HMGN1: variants seen among roughly 807,000 people sequenced by gnomAD.
HMGN1 encodes the protein high mobility group nucleosome binding domain 1.
HMGN1 carries 9 observed loss-of-function variants against 18.4 expected under a neutral mutation model. The observed-to-expected ratio is 0.49, with a 90% CI of 0.29 to 0.85. The LOEUF (loss-of-function observed/expected upper bound fraction) is 0.85. Among genes scored for constraint, HMGN1 ranks in the 40% least tolerant of loss-of-function variants. HMGN1 has a pLI of 0.07. For synonymous variants in HMGN1, 59 were observed against 45.0 expected (o/e 1.31, Z -1.24); for missense variants, 151 against 119.2 (o/e 1.27, Z -1.24).
At chr21:39,343,659 G>A (rs1336811657) in intron 5 of HMGN1, among the ~76,000 whole-genome samples, 1 of 152,164 alleles carries the variant, frequency 6.6e-6, no homozygotes, top group African/African-American at 2.4e-5. Context: ...TAGTGAGTTC[G>A]ATGTGAATTT....
intron 4 of HMGN1, 195 bp from the exon 5 acceptor site, chr21:39,345,469 T>C (rs916102355): frequency 2.6e-5 from 16 of 610,770 alleles, no homozygotes; most frequent in Non-Finnish European, 3.7e-5. Context: ...TCATTTTGTA[T>C]AGACTGTATC....
chr21:39,347,364 A>T, intron 4 of HMGN1: 2 of 1,098,092 alleles, frequency 1.8e-6, no homozygotes, highest in Non-Finnish European at 1.2e-6. Flanking sequence ...AAGAAAAAAC[A>T]TCTTTGTTTT....
chr21:39,348,695 G>T lies in HMGN1; in HGVS notation c.16-118C>A, dbSNP rs561349133. 37 of 1,295,198 alleles carry T rather than the reference G, an allele frequency of 2.9e-5. No homozygotes were observed. In the African/African-American group the frequency reaches 4.9e-4, roughly 17 times the overall value. 80.2% of individuals were successfully genotyped at this position (1,295,198 alleles called of 1,614,324 possible). The stretch of plus-strand genomic sequence containing the variant: ...GTCACGGCTTCCCGCCGCCCCGTTC[G>T]AATAGCCCCCTCAGCTCCCCCGGCC... On this transcript the variant is annotated intron_variant, in intron 1 of 5. Coordinates refer to ENST00000380749, the MANE Select transcript of HMGN1 (RefSeq NM_004965.7).
chr21:39,348,351 A>C lies in HMGN1; in HGVS notation c.79-12T>G, dbSNP rs767316863. ...TTTGCAGGAGGTTTCTGAAAGGCAA[A>C]AGCAGCACTGAGCGTCCTCACCCGG... On this transcript the variant is annotated splice_polypyrimidine_tract_variant and intron_variant, in intron 3 of 5. Coordinates refer to ENST00000380749, the MANE Select transcript of HMGN1 (RefSeq NM_004965.7). 1 of 1,614,150 alleles carries C rather than the reference A, an allele frequency of 6.2e-7. No individual in the cohort carries two copies.
chr21:39,348,757 G>A (rs2037161841), intron 1 of HMGN1, 146 bp downstream of exon 1: 4 of 1,078,980 alleles, frequency 3.7e-6, no homozygotes, highest in Non-Finnish European at 4.9e-6. Context: ...CGCGGCCGCC[G>A]AGCGCTCGCC....
rs3067491 is a variant in HMGN1, at chr21:39,344,256, C to CA, written c.255+889dup. ...GGGCAACAAGAGCGAAATTCCGTCT[C>CA]AAAAAAAAAAAAAAAAAAAGGAATT... On this transcript the variant is annotated intron_variant, in intron 5 of 5. Transcript: ENST00000380749. 3.1e-3 allele frequency among the ~76,000 whole-genome samples: 356 copies of CA among 113,480 alleles called. 12 individuals are homozygous for CA. Among genetic ancestry groups the CA allele is most frequent in the African/African-American group, 8.7e-3 (242 of 27,924 alleles). The allele number at this position is 113,480 out of a possible 152,430, so 74.4% of individuals were successfully genotyped here. A position where few individuals can be genotyped will look rare whatever the true frequency, so the allele number is the denominator to read the frequency against.
chr21:39,342,746 T>G lies in HMGN1; in HGVS notation c.*366A>C. 1.9e-6 allele frequency: 1 copy of G among 527,290 alleles called. No homozygotes were observed. The highest frequency in any genetic ancestry group is 3.1e-6 in the Non-Finnish European group (1 of 325,986). The allele number at this position is 527,290 out of a possible 1,614,324, so 32.7% of individuals were successfully genotyped here. On this transcript the variant is annotated 3_prime_UTR_variant, in exon 6 of 6. Coordinates refer to ENST00000380749, the MANE Select transcript of HMGN1 (RefSeq NM_004965.7). ...TGGTAATAGAAGTAATTTAAAATGT[T>G]CAAGACATTAAATGCAGGACTGACT...
intron 4 of HMGN1, chr21:39,345,773 T>C: frequency 1.6e-6 from 2 of 1,272,792 alleles, no homozygotes; most frequent in Non-Finnish European, 2.1e-6. Context: ...AAATTTGTTG[T>C]GAACTTCAAC....
At chr21:39,344,368 T>C (rs1440661585) in intron 5 of HMGN1, among the ~76,000 whole-genome samples, 1 of 152,094 alleles carries the variant, frequency 6.6e-6, no homozygotes, top group Non-Finnish European at 1.5e-5. Flanking sequence ...ACTTAAGAAT[T>C]TGATAAATAT....
At chr21:39,347,538 G>A (rs2776316) in intron 4 of HMGN1, 100 of 593,804 alleles carry the variant, frequency 1.7e-4, no homozygotes, top group Non-Finnish European at 2.3e-4. Context: ...ACTTCAAATA[G>A]CAAACTCTCA....
At chr21:39,347,379 C>T (rs1291241835) in intron 4 of HMGN1, 3 of 1,162,248 alleles carry the variant, frequency 2.6e-6, no homozygotes, top group South Asian at 1.5e-5. Flanking sequence ...TGTTTTATAC[C>T]TTTATTTAAC....
chr21:39,347,309 A>G, intron 4 of HMGN1: 1 of 974,374 alleles, frequency 1.0e-6, no homozygotes, highest in Non-Finnish European at 1.3e-6. Flanking sequence ...AAGAAAACAT[A>G]GTTAACATTT....
intron 4 of HMGN1, chr21:39,345,701 A>G (rs778658894): frequency 8.6e-5 from 48 of 560,782 alleles, no homozygotes; most frequent in Admixed American, 8.0e-4. Context: ...TCCACATGAC[A>G]GGACAATGTC....
chr21:39,346,054 C>T (rs999201527), intron 4 of HMGN1: 1 of 676,454 alleles, frequency 1.5e-6, no homozygotes, highest in Non-Finnish European at 2.3e-6. Context: ...CTTTTAGATA[C>T]CATCCATCAA....
chr21:39,345,034 T>G, intron 5 of HMGN1, 112 bp downstream of exon 5: 1 of 1,279,370 alleles, frequency 7.8e-7, no homozygotes, highest in Non-Finnish European at 1.0e-6. Context: ...AAAACTTTGT[T>G]CAATATTATA....
rs1000433303 is a variant in HMGN1 at position 39,348,761 on chromosome 21, G to A, written c.15+142C>T. 4 of 1,061,984 alleles carry A rather than the reference G, an allele frequency of 3.8e-6. No homozygotes were observed. In the African/African-American group the frequency reaches 5.1e-5, roughly 14 times the overall value. 65.8% of individuals were successfully genotyped at this position (1,061,984 alleles called of 1,614,324 possible). ...ACGCCCGCCCCCGCGGCCGCCGAGC[G>A]CTCGCCTGCCCGCCCGCCGGTCTCC... On this transcript the variant is annotated intron_variant, in intron 1 of 5. Coordinates refer to ENST00000380749, the MANE Select transcript of HMGN1 (RefSeq NM_004965.7).
Position 39,345,208 on chromosome 21 carries a change from CT to C in HMGN1, c.192del (p.Val65TrpfsTer141). The stretch of plus-strand genomic sequence containing the variant: ...TCTTCTTTAGTTTCTTGGTTAGCCA[CT>C]TCGGCCTGTTTTCCCTTTGCTCCCC... ...GKRGAKGKQA[E>X]VANQETKEDL... On this transcript the variant is annotated frameshift_variant, in exon 5 of 6. Transcript: ENST00000380749. LOFTEE classifies it high-confidence loss of function. The C allele has an allele frequency of 6.2e-7, 1 of 1,613,668 alleles. No homozygotes were observed. Among genetic ancestry groups the C allele is most frequent in the Non-Finnish European group, 8.5e-7 (1 of 1,179,970 alleles).
chr21:39,347,233 T>C lies in HMGN1; in HGVS notation c.126+1059A>G, dbSNP rs1348173329. 10 of 573,948 alleles carry C rather than the reference T, an allele frequency of 1.7e-5. No individual in the cohort carries two copies. In the Admixed American group the frequency reaches 3.6e-4, roughly 20 times the overall value. The allele number at this position is 573,948 out of a possible 1,614,324, so 35.6% of individuals were successfully genotyped here. A position where few individuals can be genotyped will look rare whatever the true frequency, so the allele number is the denominator to read the frequency against. On this transcript the variant is annotated intron_variant, in intron 4 of 5. Transcript: ENST00000380749. ...TAATGAGAAATTTAAAGTTGAAAAA[T>C]ACTATTCTCATACCTTCCGTGAAGC... is the stretch of plus-strand genomic sequence containing the variant.
intron 5 of HMGN1, among the ~76,000 whole-genome samples, chr21:39,344,229 T>G (rs1276099872): frequency 7.6e-6 from 1 of 132,282 alleles, no homozygotes; most frequent in African/African-American, 2.9e-5. Context: ...GCACTCCAGC[T>G]TGGGCAACAA....
Sources: allele counts gnomAD v4.1 joint callset (sites outside exome capture counted in the v4.1 genomes callset), GRCh38; gene constraint gnomAD v4.1.1; transcripts MANE v1.5; gene names NCBI Gene and HGNC (gene_info 2026-07-23, HGNC 2026-07-21).